Variants in ME3 observed in about 807,000 individuals in gnomAD.
ME3 encodes the protein NADP-dependent malic enzyme, mitochondrial.
In ME3, 48 loss-of-function variants were observed where a neutral mutation model predicts 68.9. That is an observed-to-expected ratio of 0.70 (90% CI 0.55 to 0.89). The LOEUF is 0.89. ME3 is among the 40% of genes least tolerant of loss of function. The probability of loss-of-function intolerance (pLI) is 0.00; values close to 1 mark genes in which losing one functional copy is unlikely to be tolerated. For synonymous variants in ME3, 320 were observed against 318.8 expected, an observed-to-expected ratio of 1.00 and a Z score of -0.04; for missense variants, 675 against 797.4, an observed-to-expected ratio of 0.85 and a Z score of 1.85.
At chr11:86,447,177 T>C (rs1225196178) in exon 12 of ME3, 2 of 1,614,124 alleles carry the variant, frequency 1.2e-6, no homozygotes, top group Non-Finnish European at 1.7e-6. Context: ...CAGAATCTGC[T>C]CCGTGAAGGC....
intron 7 of ME3, among the ~76,000 whole-genome samples, chr11:86,473,142 CAGAG>C (rs1241656642): frequency 1.3e-5 from 2 of 152,132 alleles, no homozygotes; most frequent in African/African-American, 4.8e-5. Flanking sequence ...ATCCACGGAG[CAGAG>C]AGAGATAGTG....
chr11:86,585,470 A>G (rs1958678377), intron 2 of ME3, among the ~76,000 whole-genome samples: 1 of 152,170 alleles, frequency 6.6e-6, no homozygotes, highest in Admixed American at 6.5e-5. Flanking sequence ...GAGAGGGGTC[A>G]AGGATCACTG....
At chr11:86,557,926 AT>A (rs1190095323) in intron 3 of ME3, among the ~76,000 whole-genome samples, 2 of 152,112 alleles carry the variant, frequency 1.3e-5, no homozygotes, top group Non-Finnish European at 2.9e-5. Context: ...GTTATTAAAG[AT>A]TTACCAGCAC....
chr11:86,475,851 G>GTATATATATATATATATATA (rs68158647), intron 7 of ME3, among the ~76,000 whole-genome samples: 1 of 114,632 alleles, frequency 8.7e-6, no homozygotes, highest in African/African-American at 3.7e-5. Flanking sequence ...CTAATATTCA[G>GTATATATATATATATATATA]TATATATATA....
intron 2 of ME3, among the ~76,000 whole-genome samples, chr11:86,645,749 T>G (rs758904428): frequency 9.2e-5 from 14 of 152,162 alleles, no homozygotes; most frequent in Non-Finnish European, 1.9e-4. Context: ...CTGTGCCTCC[T>G]GAAGGAGAGA....
intron 2 of ME3, among the ~76,000 whole-genome samples, chr11:86,610,202 C>G (rs926055704): frequency 3.9e-5 from 6 of 152,122 alleles, no homozygotes; most frequent in African/African-American, 1.4e-4. Context: ...ATGAAAGGAA[C>G]ATGACCAGAG....
At chr11:86,585,878 G>C (rs146066119) in intron 2 of ME3, among the ~76,000 whole-genome samples, 1 of 152,102 alleles carries the variant, frequency 6.6e-6, no homozygotes, top group Admixed American at 6.5e-5. Context: ...CCACAAGATG[G>C]GTTGTCACCA....
chr11:86,600,071 C>T, intron 2 of ME3, among the ~76,000 whole-genome samples: 1 of 152,166 alleles, frequency 6.6e-6, no homozygotes, highest in East Asian at 1.9e-4. Flanking sequence ...CAGCTAACAT[C>T]ATAATGACAG....
intron 2 of ME3, among the ~76,000 whole-genome samples, chr11:86,633,040 C>T (rs1227572954): frequency 1.3e-5 from 2 of 152,188 alleles, no homozygotes; most frequent in East Asian, 1.9e-4. Flanking sequence ...AGGGTTCCCA[C>T]AGAAAACTGC....
At chr11:86,599,295 G>A (rs538605870) in intron 2 of ME3, among the ~76,000 whole-genome samples, 5 of 152,212 alleles carry the variant, frequency 3.3e-5, no homozygotes, top group East Asian at 1.9e-4. Context: ...CGAGAACTAC[G>A]TGAAGAAGGC....
chr11:86,535,459 A>T (rs941713042), intron 4 of ME3, among the ~76,000 whole-genome samples: 1 of 152,212 alleles, frequency 6.6e-6, no homozygotes, highest in Non-Finnish European at 1.5e-5. Context: ...CTGGAAGTGT[A>T]GGACATAATC....
chr11:86,446,439 C>T (rs1365859941), exon 13 of ME3: 1 of 1,614,214 alleles, frequency 6.2e-7, no homozygotes, highest in Admixed American at 1.7e-5. Flanking sequence ...TTGCCATCTT[C>T]CAGAGTCACA....
chr11:86,442,800 C>T (rs769996213), intron 14 of ME3, 21 bp downstream of exon 14: 1 of 1,570,904 alleles, frequency 6.4e-7, no homozygotes, highest in Non-Finnish European at 8.8e-7. Context: ...ACCCATATTA[C>T]AGGGGTAGGA....
At chr11:86,462,547 C>T in intron 8 of ME3, 1 of 1,230,602 alleles carries the variant, frequency 8.1e-7, no homozygotes, top group South Asian at 1.4e-5. Context: ...GGGCAGGTGT[C>T]CAGTGTAGAC....
intron 5 of ME3, among the ~76,000 whole-genome samples, chr11:86,498,561 G>C (rs1375805271): frequency 6.6e-6 from 1 of 152,194 alleles, no homozygotes; most frequent in Non-Finnish European, 1.5e-5. Context: ...GCTAATCCAA[G>C]TGCTCTCCGA....
intron 4 of ME3, among the ~76,000 whole-genome samples, chr11:86,537,991 C>A (rs932323722): frequency 1.3e-5 from 2 of 152,190 alleles, no homozygotes; most frequent in Non-Finnish European, 2.9e-5. Flanking sequence ...TGCTGAGGCT[C>A]TTTAACATGG....
At chr11:86,652,460 A>G (rs1170463092) in intron 2 of ME3, among the ~76,000 whole-genome samples, 1 of 152,148 alleles carries the variant, frequency 6.6e-6, no homozygotes, top group African/African-American at 2.4e-5. Context: ...AAAGAAAAGA[A>G]TTTTCAACCC....
intron 2 of ME3, among the ~76,000 whole-genome samples, chr11:86,670,583 C>T (rs1946862151): frequency 6.6e-6 from 1 of 152,156 alleles, no homozygotes; most frequent in East Asian, 1.9e-4. Context: ...TTGGAAAGAG[C>T]AGGACTCCAA....
rs1243025217 is a variant in ME3, at chr11:86,560,748, G to GTGTATGTGTGTATATATATATATATATA, written c.184-926_184-925insTATATATATATATATATACACACATACA. On this transcript the variant is annotated intron_variant, in intron 2 of 14. Coordinates refer to ENST00000543262, the Ensembl canonical transcript of ME3. ...TGTATGTGTGTGTGTGTGTGTGTGT[G>GTGTATGTGTGTATATATATATATATATA]TATATATATATATATATATATATAT... 5.2e-3 allele frequency among the ~76,000 whole-genome samples: 323 copies of GTGTATGTGTGTATATATATATATATATA among 62,432 alleles called. 5 individuals are homozygous for GTGTATGTGTGTATATATATATATATATA. Among genetic ancestry groups the GTGTATGTGTGTATATATATATATATATA allele is most frequent in the South Asian group, 7.9e-3 (10 of 1,264 alleles). The allele number at this position is 62,432 out of a possible 152,430, so 41.0% of individuals were successfully genotyped here. A position where few individuals can be genotyped will look rare whatever the true frequency, so the allele number is the denominator to read the frequency against.
Sources: gnomAD v4.1 joint callset for allele counts (sites outside exome capture counted in the v4.1 genomes callset) on GRCh38, gnomAD v4.1.1 for gene constraint, MANE v1.5 for transcripts, NCBI Gene and HGNC (gene_info 2026-07-23, HGNC 2026-07-21) for gene names.